The following GRM7 variants were observed in gnomAD, a reference collection of about 807,000 sequenced individuals.
GRM7 encodes metabotropic glutamate receptor 7.
Under a neutral mutation model 84.5 loss-of-function variants are expected in GRM7, and 35 were observed. The ratio of observed to expected loss-of-function variants is 0.41; its 90% CI spans 0.32 to 0.55. The LOEUF (loss-of-function observed/expected upper bound fraction) is 0.55. Among genes scored for constraint, GRM7 ranks in the 20% least tolerant of loss-of-function variants. The pLI is 0.19. For synonymous variants in GRM7, 487 were observed against 455.1 expected (o/e 1.07, Z -0.89); for missense variants, 1,003 against 1,194.6 (o/e 0.84, Z 2.36).
intron 2 of GRM7, among the ~76,000 whole-genome samples, chr3:7,194,184 C>T (rs1695807148): frequency 6.6e-6 from 1 of 152,084 alleles, no homozygotes; most frequent in Admixed American, 6.6e-5. Flanking sequence ...TTCCGGTTTA[C>T]TCACATAAAC....
intron 4 of GRM7, among the ~76,000 whole-genome samples, chr3:7,409,642 C>T (rs1320209625): frequency 3.3e-5 from 5 of 152,030 alleles, no homozygotes; most frequent in African/African-American, 1.2e-4. Flanking sequence ...GCTCTGTCGC[C>T]CAGGCTGGAG....
intron 2 of GRM7, among the ~76,000 whole-genome samples, chr3:7,257,836 C>T (rs974309619): frequency 6.6e-6 from 1 of 152,126 alleles, no homozygotes; most frequent in Non-Finnish European, 1.5e-5. Context: ...TATTCCTACA[C>T]TGAGTAATTA....
intron 4 of GRM7, among the ~76,000 whole-genome samples, chr3:7,376,702 A>G (rs1694365508): frequency 6.6e-6 from 1 of 152,204 alleles, no homozygotes; most frequent in African/African-American, 2.4e-5. Flanking sequence ...TTGCCCTACA[A>G]TATTGTACAA....
At chr3:7,256,989 G>T (rs1698232559) in intron 2 of GRM7, among the ~76,000 whole-genome samples, 1 of 152,222 alleles carries the variant, frequency 6.6e-6, no homozygotes, top group Admixed American at 6.5e-5. Context: ...ATTTCAGACA[G>T]AGGAATCTGC....
intron 4 of GRM7, among the ~76,000 whole-genome samples, chr3:7,320,071 T>C (rs899350651): frequency 2.6e-5 from 4 of 152,012 alleles, no homozygotes; most frequent in African/African-American, 9.7e-5. Context: ...TATAATTATT[T>C]ATTTATCATA....
chr3:7,478,061 T>C (rs1172731261), intron 7 of GRM7, among the ~76,000 whole-genome samples: 1 of 152,164 alleles, frequency 6.6e-6, no homozygotes. Context: ...GCTCCAATAA[T>C]GACCCTTCTA....
intron 1 of GRM7, among the ~76,000 whole-genome samples, chr3:7,041,647 T>C (rs1368473549): frequency 6.6e-6 from 1 of 152,188 alleles, no homozygotes; most frequent in Non-Finnish European, 1.5e-5. Context: ...ACAACTAGAG[T>C]AGAATACTCA....
chr3:6,919,567 CTT>C (rs35688405), intron 1 of GRM7, among the ~76,000 whole-genome samples: 18 of 141,382 alleles, frequency 1.3e-4, no homozygotes, highest in Admixed American at 2.8e-4. Flanking sequence ...TATTGTTCAT[CTT>C]TTTTTTTTTT....
intron 4 of GRM7, among the ~76,000 whole-genome samples, chr3:7,374,572 G>T (rs868206370): frequency 6.6e-6 from 1 of 151,798 alleles, no homozygotes; most frequent in Admixed American, 6.6e-5. Flanking sequence ...TCTGCCTCCA[G>T]GGTTCAAGCG....
intron 1 of GRM7, among the ~76,000 whole-genome samples, chr3:6,869,645 CAGAT>C (rs149127075): frequency 0.048 from 6,610 of 137,872 alleles, 175 homozygotes; most frequent in Non-Finnish European, 0.063. Context: ...AACAGTGAGA[CAGAT>C]AGAAGGAGAG....
At chr3:7,455,968 A>G (rs575544146) in intron 6 of GRM7, among the ~76,000 whole-genome samples, 1 of 152,156 alleles carries the variant, frequency 6.6e-6, no homozygotes, top group Non-Finnish European at 1.5e-5. Context: ...ACCACATTCA[A>G]TATGGGGATC....
intron 7 of GRM7, among the ~76,000 whole-genome samples, chr3:7,482,303 T>G (rs1423842986): frequency 6.6e-6 from 1 of 152,182 alleles, no homozygotes; most frequent in Non-Finnish European, 1.5e-5. Context: ...CCCATAGACA[T>G]TAACCCTACT....
intron 2 of GRM7, among the ~76,000 whole-genome samples, chr3:7,256,562 G>A (rs570999810): frequency 2.6e-5 from 4 of 152,170 alleles, no homozygotes; most frequent in African/African-American, 7.2e-5. Context: ...GAACCACTTC[G>A]AGGTAGTAAT....
intron 2 of GRM7, among the ~76,000 whole-genome samples, chr3:7,213,599 G>A (rs1326593579): frequency 2.6e-5 from 4 of 152,190 alleles, no homozygotes; most frequent in African/African-American, 9.6e-5. Context: ...GAGAACTCTG[G>A]AAAACATTTG....
intron 2 of GRM7, among the ~76,000 whole-genome samples, chr3:7,148,303 G>A (rs1401020617): frequency 6.6e-6 from 1 of 152,168 alleles, no homozygotes; most frequent in Non-Finnish European, 1.5e-5. Flanking sequence ...GAATTGAATA[G>A]ATAAAATAAG....
chr3:7,113,116 C>CT (rs542558420), intron 1 of GRM7, among the ~76,000 whole-genome samples: 82 of 151,876 alleles, frequency 5.4e-4, no homozygotes, highest in Middle Eastern at 6.8e-3. Flanking sequence ...ACCATTACTG[C>CT]TTTTTTTTAA....
At chr3:7,081,616 A>T (rs574412735) in intron 1 of GRM7, among the ~76,000 whole-genome samples, 15 of 152,118 alleles carry the variant, frequency 9.9e-5, no homozygotes, top group Non-Finnish European at 1.9e-4. Context: ...ATCAACAGCT[A>T]GAAATGATTA....
intron 2 of GRM7, among the ~76,000 whole-genome samples, chr3:7,213,515 A>T (rs184483961): frequency 1.3e-4 from 20 of 152,340 alleles, no homozygotes; most frequent in Admixed American, 1.3e-3. Flanking sequence ...AGGCATTCAT[A>T]TACGATGTCT....
In GRM7 at chr3:7,340,028, T is replaced by C. The variant is rs866642521; in HGVS notation, c.1033+33376T>C. On this transcript the variant is annotated intron_variant, in intron 4 of 9. Transcript: ENST00000357716. ...ATTTTAAATATTCAGAGTATAGTAA[T>C]ATTATTATATTTCTTCTAACACTCA... 6.6e-5 allele frequency among the ~76,000 whole-genome samples: 10 copies of C among 152,282 alleles called. No homozygotes were observed. The South Asian group carries it at 1.7e-3, about 25-fold the overall frequency.
Sources: gnomAD v4.1 joint callset for allele counts (sites outside exome capture counted in the v4.1 genomes callset) on GRCh38, gnomAD v4.1.1 for gene constraint, MANE v1.5 for transcripts, NCBI Gene and HGNC (gene_info 2026-07-23, HGNC 2026-07-21) for gene names.